The following MEI4 variants were observed in gnomAD, a reference collection of about 807,000 sequenced individuals.
The protein encoded by MEI4 is meiosis-specific protein MEI4.
A neutral mutation model predicts 31.4 loss-of-function variants in MEI4; 27 were observed. That is an observed-to-expected ratio of 0.86 (90% CI 0.63 to 1.19). The LOEUF (loss-of-function observed/expected upper bound fraction) is 1.19. Among genes scored for constraint, MEI4 ranks in the 50% most tolerant of loss-of-function variants. The pLI is 0.00. For missense variants in MEI4, 329 were observed against 398.9 expected, an observed-to-expected ratio of 0.82 and a Z score of 1.49; for synonymous variants, 122 against 145.4, an observed-to-expected ratio of 0.84 and a Z score of 1.16.
chr6:77,662,934 G>C (rs1404423566), intron 1 of MEI4, among the ~76,000 whole-genome samples: 1 of 152,198 alleles, frequency 6.6e-6, no homozygotes, highest in Non-Finnish European at 1.5e-5. Flanking sequence ...CAGCAGTACA[G>C]CCTAGGTAAT....
chr6:77,794,518 C>T (rs533558472), intron 3 of MEI4, among the ~76,000 whole-genome samples: 51 of 152,156 alleles, frequency 3.4e-4, no homozygotes, highest in Admixed American at 5.2e-4. Flanking sequence ...AGCCGGACGG[C>T]GCCACTGCAC....
At chr6:77,727,093 C>A (rs1766846435) in intron 2 of MEI4, among the ~76,000 whole-genome samples, 2 of 152,062 alleles carry the variant, frequency 1.3e-5, no homozygotes, top group African/African-American at 2.4e-5. Flanking sequence ...TGGGGTGATA[C>A]CTCCACAAAA....
intron 3 of MEI4, among the ~76,000 whole-genome samples, chr6:77,804,972 T>A (rs1769389907): frequency 6.6e-6 from 1 of 152,234 alleles, no homozygotes; most frequent in Admixed American, 6.5e-5. Context: ...ATCTGTACTT[T>A]TGGCATCGTT....
chr6:77,906,923 G>C (rs1169093255), intron 4 of MEI4, among the ~76,000 whole-genome samples: 1 of 152,108 alleles, frequency 6.6e-6, no homozygotes, highest in East Asian at 1.9e-4. Context: ...AAGAGACCAT[G>C]GCTTCAAAGA....
chr6:77,736,570 T>C (rs1767240250), intron 2 of MEI4, among the ~76,000 whole-genome samples: 1 of 152,042 alleles, frequency 6.6e-6, no homozygotes, highest in Non-Finnish European at 1.5e-5. Context: ...GTACCTCAGA[T>C]GGAAATGCAG....
chr6:77,913,027 T>C (rs983324272), intron 4 of MEI4, among the ~76,000 whole-genome samples: 2 of 152,152 alleles, frequency 1.3e-5, no homozygotes, highest in African/African-American at 2.4e-5. Context: ...TGAAAAGATG[T>C]TGAATGTAAT....
intron 2 of MEI4, among the ~76,000 whole-genome samples, chr6:77,735,539 A>AT (rs1321673679): frequency 6.6e-6 from 1 of 151,648 alleles, no homozygotes; most frequent in Non-Finnish European, 1.5e-5. Flanking sequence ...ATTCTTCTAA[A>AT]TTTTTTTCAA....
intron 4 of MEI4, among the ~76,000 whole-genome samples, chr6:77,863,337 A>G (rs1770921232): frequency 6.6e-6 from 1 of 151,888 alleles, no homozygotes; most frequent in African/African-American, 2.4e-5. Context: ...AAACCTTGAA[A>G]AAAAATTAGA....
At chr6:77,870,287 A>C (rs1011348299) in intron 4 of MEI4, among the ~76,000 whole-genome samples, 1 of 152,156 alleles carries the variant, frequency 6.6e-6, no homozygotes, top group Non-Finnish European at 1.5e-5. Context: ...CAGGGTAAAA[A>C]ACAGATATGC....
chr6:77,759,722 C>G (rs1768001716), intron 2 of MEI4, among the ~76,000 whole-genome samples: 1 of 152,094 alleles, frequency 6.6e-6, no homozygotes, highest in Non-Finnish European at 1.5e-5. Flanking sequence ...TCTTTCTCTT[C>G]CACTGCAGCT....
chr6:77,729,806 T>A (rs746292791), intron 2 of MEI4, among the ~76,000 whole-genome samples: 1 of 152,204 alleles, frequency 6.6e-6, no homozygotes, highest in African/African-American at 2.4e-5. Flanking sequence ...TTTTAGTATT[T>A]TCTTCTTATG....
intron 4 of MEI4, among the ~76,000 whole-genome samples, chr6:77,872,851 A>G (rs1209187327): frequency 2.0e-5 from 3 of 150,528 alleles, no homozygotes; most frequent in East Asian, 2.0e-4. Context: ...TGTCCTTGCA[A>G]TAGTTTACTG....
chr6:77,898,748 C>T (rs1766132849), intron 4 of MEI4, among the ~76,000 whole-genome samples: 1 of 152,014 alleles, frequency 6.6e-6, no homozygotes, highest in Admixed American at 6.6e-5. Flanking sequence ...AGTTGAACCT[C>T]AAATATACAG....
Position 77,670,485 on chromosome 6 carries a change from T to C in MEI4, c.-15+17393T>C, listed in dbSNP as rs1020939986. ...ATATGACATTGGGCAAGTGGCAACA[T>C]GGCCTAGTCTCTGATCTTCATCTGT... On this transcript the variant is annotated intron_variant, in intron 1 of 4. Coordinates refer to ENST00000684080, the MANE Select transcript of MEI4 (RefSeq NM_001322247.2). 9.2e-5 allele frequency among the ~76,000 whole-genome samples: 14 copies of C among 152,150 alleles called. 1 individual carries two copies. Among genetic ancestry groups the C allele is most frequent in the African/African-American group, 2.9e-4 (12 of 41,452 alleles).
At chr6:77,792,937 C>T (rs995678524) in intron 3 of MEI4, among the ~76,000 whole-genome samples, 11 of 152,112 alleles carry the variant, frequency 7.2e-5, no homozygotes, top group Non-Finnish European at 1.5e-4. Context: ...TGGTCTTGAT[C>T]TCCTGACCTC....
intron 3 of MEI4, among the ~76,000 whole-genome samples, chr6:77,769,536 A>G (rs1368219064): frequency 6.6e-6 from 1 of 152,148 alleles, no homozygotes; most frequent in Non-Finnish European, 1.5e-5. Context: ...CAACCAAGGA[A>G]GTGCTTGTGT....
chr6:77,887,196 T>C (rs1316287077), intron 4 of MEI4, among the ~76,000 whole-genome samples: 2 of 152,006 alleles, frequency 1.3e-5, no homozygotes, highest in East Asian at 3.9e-4. Flanking sequence ...TTTTTTTCCT[T>C]CTTAATTTTT....
intron 3 of MEI4, among the ~76,000 whole-genome samples, chr6:77,762,858 G>T (rs1310250956): frequency 6.6e-6 from 1 of 152,116 alleles, no homozygotes; most frequent in African/African-American, 2.4e-5. Flanking sequence ...TTAAATATCA[G>T]ATTTGCCATA....
chr6:77,880,387 C>A (rs929037238), intron 4 of MEI4, among the ~76,000 whole-genome samples: 6 of 152,040 alleles, frequency 3.9e-5, no homozygotes, highest in African/African-American at 1.2e-4. Context: ...CCCACCACCA[C>A]GCCTGGCTAA....
Sources: gnomAD v4.1 joint callset for allele counts (sites outside exome capture counted in the v4.1 genomes callset) on GRCh38, gnomAD v4.1.1 for gene constraint, MANE v1.5 for transcripts, NCBI Gene and HGNC (gene_info 2026-07-23, HGNC 2026-07-21) for gene names.